VDAC1: variants seen among roughly 807,000 people sequenced by gnomAD.
The protein encoded by VDAC1 is voltage dependent anion channel 1.
VDAC1 carries 10 observed loss-of-function variants against 34.7 expected under a neutral mutation model. The ratio of observed to expected loss-of-function variants is 0.29; its 90% confidence interval spans 0.18 to 0.49. The LOEUF (loss-of-function observed/expected upper bound fraction) is 0.49. Among genes scored for constraint, VDAC1 ranks in the 20% least tolerant of loss-of-function variants. The pLI, the probability that VDAC1 is intolerant of heterozygous loss-of-function variation, is 0.99. For missense variants in VDAC1, 230 were observed against 347.9 expected, an observed-to-expected ratio of 0.66 and a Z score of 2.69; for synonymous variants, 130 against 136.0, an observed-to-expected ratio of 0.96 and a Z score of 0.30.
At chr5:134,036,005 CAAAA>C in the VDAC1 span, among the ~76,000 whole-genome samples, 2 of 92,782 alleles carry the variant, frequency 2.2e-5, no homozygotes, top group African/African-American at 4.0e-5. Context: ...GACTCCATCT[CAAAA>C]AAAAAAAAAA....
intron 5 of VDAC1, chr5:133,988,785 A>C (rs929445519): frequency 1.3e-5 from 2 of 152,026 alleles, no homozygotes; most frequent in Non-Finnish European, 2.9e-5. Context: ...AAAAAAAAAA[A>C]ACCAAAAAAC....
At chr5:134,003,607 T>G (rs1375928534) in intron 1 of VDAC1, among the ~76,000 whole-genome samples, 1 of 151,614 alleles carries the variant, frequency 6.6e-6, no homozygotes, top group Admixed American at 6.6e-5. Context: ...TTGAACCCCT[T>G]CCACAACGCC....
At chr5:134,078,971 CT>C in the VDAC1 span, among the ~76,000 whole-genome samples, 588 of 139,872 alleles carry the variant, frequency 4.2e-3, 2 homozygotes, top group Middle Eastern at 0.014. Flanking sequence ...GACCCCCCTC[CT>C]TTTTTTTTTT....
the VDAC1 span, among the ~76,000 whole-genome samples, chr5:134,113,105 G>C: frequency 6.6e-6 from 1 of 152,160 alleles, no homozygotes; most frequent in Non-Finnish European, 1.5e-5. Flanking sequence ...TCTCCCCTCC[G>C]GGCAGGGCCG....
At chr5:134,095,342 G>A in the VDAC1 span, among the ~76,000 whole-genome samples, 1 of 151,816 alleles carries the variant, frequency 6.6e-6, no homozygotes, top group African/African-American at 2.4e-5. Context: ...AATTAGCTGG[G>A]TATGGTGGCT....
chr5:134,114,410 G>A, the VDAC1 span, among the ~76,000 whole-genome samples: 2 of 152,196 alleles, frequency 1.3e-5, no homozygotes, highest in Admixed American at 6.5e-5. Context: ...ACAGCCGGAG[G>A]AGAAACCTGG....
the VDAC1 span, among the ~76,000 whole-genome samples, chr5:134,052,925 G>C: frequency 6.6e-6 from 1 of 152,294 alleles, no homozygotes; most frequent in East Asian, 1.9e-4. Context: ...AGACCAGCCT[G>C]ACCAATATGG....
chr5:134,055,675 G>A, the VDAC1 span, among the ~76,000 whole-genome samples: 2 of 132,870 alleles, frequency 1.5e-5, no homozygotes, highest in Admixed American at 8.5e-5. Context: ...TGATCCGCCC[G>A]CCATGGCTTC....
chr5:133,992,859 C>A, intron 2 of VDAC1, 87 bp downstream of exon 2: 1 of 1,304,802 alleles, frequency 7.7e-7, no homozygotes, highest in East Asian at 2.5e-5. Flanking sequence ...CTGACCTACC[C>A]AGGTCTCCTA....
chr5:134,032,051 A>T, the VDAC1 span, among the ~76,000 whole-genome samples: 1 of 137,638 alleles, frequency 7.3e-6, no homozygotes, highest in Non-Finnish European at 1.5e-5. Flanking sequence ...TGAACCCGGG[A>T]GGTGGAGGTT....
the VDAC1 span, among the ~76,000 whole-genome samples, chr5:134,052,126 A>G: frequency 2.0e-5 from 3 of 152,140 alleles, no homozygotes; most frequent in African/African-American, 7.2e-5. Context: ...GGAAAGGAAG[A>G]TGCATCTTCT....
intron 5 of VDAC1, chr5:133,989,384 G>A (rs1753019255): frequency 6.8e-6 from 1 of 147,768 alleles, no homozygotes. Context: ...TTTGGAGACA[G>A]AGTCTCTCTC....
the VDAC1 span, among the ~76,000 whole-genome samples, chr5:134,102,716 C>T: frequency 6.6e-6 from 1 of 152,060 alleles, no homozygotes; most frequent in African/African-American, 2.4e-5. Flanking sequence ...TTTTTAATTA[C>T]AAAAGCAACT....
At chr5:134,086,397 G>A in the VDAC1 span, among the ~76,000 whole-genome samples, 1 of 152,172 alleles carries the variant, frequency 6.6e-6, no homozygotes, top group Admixed American at 6.5e-5. Flanking sequence ...CACAACCACA[G>A]GAGATGCAGC....
the VDAC1 span, among the ~76,000 whole-genome samples, chr5:134,067,664 G>T: frequency 2.0e-5 from 3 of 148,516 alleles, no homozygotes; most frequent in South Asian, 4.4e-4. Context: ...TGAGGGGGAG[G>T]GGGAGGGCGA....
At chr5:134,018,906 C>T in the VDAC1 span, among the ~76,000 whole-genome samples, 3 of 152,138 alleles carry the variant, frequency 2.0e-5, no homozygotes, top group Non-Finnish European at 4.4e-5. Context: ...GTTGGCAAGA[C>T]TCCATGTTTA....
the VDAC1 span, among the ~76,000 whole-genome samples, chr5:134,059,442 C>T: frequency 6.6e-6 from 1 of 152,146 alleles, no homozygotes. Flanking sequence ...CTCCCACGTG[C>T]TGTAGGCAGT....
chr5:134,065,789 AT>A, the VDAC1 span, among the ~76,000 whole-genome samples: 38 of 99,844 alleles, frequency 3.8e-4, 1 homozygote, highest in South Asian at 6.5e-4. Flanking sequence ...CAGATAGTAA[AT>A]TTTTTTTTTT....
chr5:134,103,454 A>G, the VDAC1 span, among the ~76,000 whole-genome samples: 4 of 151,698 alleles, frequency 2.6e-5, no homozygotes, highest in African/African-American at 9.7e-5. Flanking sequence ...ACCAACTGAC[A>G]CCGTTGTTTC....
Sources: allele counts gnomAD v4.1 joint callset (sites outside exome capture counted in the v4.1 genomes callset), GRCh38; gene constraint gnomAD v4.1.1; transcripts MANE v1.5; gene names NCBI Gene and HGNC (gene_info 2026-07-23, HGNC 2026-07-21).